Variants in MND1 observed in about 807,000 individuals in gnomAD.
The protein encoded by MND1 is meiotic nuclear divisions 1.
In MND1, 28 loss-of-function variants were observed where a neutral mutation model predicts 35.1. The ratio of observed to expected loss-of-function variants is 0.80; its 90% CI spans 0.59 to 1.09. The LOEUF (loss-of-function observed/expected upper bound fraction) is 1.09, where lower values mean the gene tolerates loss of function less well. Among genes scored for constraint, MND1 ranks in the 50% least tolerant of loss-of-function variants. The probability of loss-of-function intolerance (pLI) is 0.00; values close to 1 mark genes in which losing one functional copy is unlikely to be tolerated. For synonymous variants in MND1, 69 were observed against 70.5 expected, an observed-to-expected ratio of 0.98 and a Z score of 0.11; for missense variants, 213 against 239.6, an observed-to-expected ratio of 0.89 and a Z score of 0.73.
intron 7 of MND1, among the ~76,000 whole-genome samples, chr4:153,414,352 GC>G (rs1445138792): frequency 6.6e-6 from 1 of 151,700 alleles, no homozygotes; most frequent in East Asian, 1.9e-4. Flanking sequence ...TGTGATCTCG[GC>G]TCACCACAAC....
At chr4:153,382,977 A>G (rs772706943) in intron 4 of MND1, among the ~76,000 whole-genome samples, 2 of 152,182 alleles carry the variant, frequency 1.3e-5, no homozygotes, top group African/African-American at 4.8e-5. Flanking sequence ...TTCTTTCCCA[A>G]TGCTCTTGGA....
At chr4:153,363,432 G>A (rs922081515) in intron 4 of MND1, among the ~76,000 whole-genome samples, 27 of 152,046 alleles carry the variant, frequency 1.8e-4, no homozygotes, top group Non-Finnish European at 3.7e-4. Flanking sequence ...GGCTGGTCTC[G>A]AACTCCCGAC....
chr4:153,355,756 G>A (rs1423446959), intron 3 of MND1, 45 bp downstream of exon 3: 4 of 1,168,460 alleles, frequency 3.4e-6, no homozygotes, highest in Non-Finnish European at 5.1e-6. Context: ...AATATACTGG[G>A]ATGTTTTGGG....
intron 6 of MND1, among the ~76,000 whole-genome samples, chr4:153,402,773 T>C (rs1227505079): frequency 4.6e-5 from 7 of 152,208 alleles, no homozygotes; most frequent in Admixed American, 4.6e-4. Context: ...GGAGTGTTTG[T>C]CTATAACAAT....
rs563900318 is a variant in MND1 at position 153,345,179 on chromosome 4, C to G, written c.3+439C>G. 2.0e-3 allele frequency among the ~76,000 whole-genome samples: 308 copies of G among 152,286 alleles called. 1 individual carries two copies. Among genetic ancestry groups the G allele is most frequent in the African/African-American group, 7.1e-3 (297 of 41,548 alleles). ...GTGGTGTAGCCCCCCCCATTAAGAA[C>G]GGGGAGAGAAAGCGCAAGTGGGCGG... On this transcript the variant is annotated intron_variant, in intron 1 of 7. Coordinates refer to ENST00000240488, the MANE Select transcript of MND1 (RefSeq NM_032117.4).
intron 6 of MND1, among the ~76,000 whole-genome samples, chr4:153,404,588 C>T (rs935933016): frequency 2.6e-5 from 4 of 151,924 alleles, no homozygotes; most frequent in African/African-American, 4.8e-5. Flanking sequence ...AATTCTCCTG[C>T]GTCAGCCTCC....
At chr4:153,359,177 C>T (rs1315173848) in intron 4 of MND1, among the ~76,000 whole-genome samples, 1 of 152,200 alleles carries the variant, frequency 6.6e-6, no homozygotes, top group East Asian at 1.9e-4. Context: ...CCCTAAAAAT[C>T]CGCTGTTTCC....
chr4:153,384,342 C>T (rs1728791373), intron 4 of MND1, among the ~76,000 whole-genome samples: 1 of 139,618 alleles, frequency 7.2e-6, no homozygotes, highest in Admixed American at 7.7e-5. Flanking sequence ...GCAATCATGG[C>T]TCACTGTAGC....
intron 4 of MND1, among the ~76,000 whole-genome samples, chr4:153,366,310 C>T (rs1217240535): frequency 1.3e-5 from 2 of 152,214 alleles, no homozygotes; most frequent in Admixed American, 6.5e-5. Flanking sequence ...GTGCCATTCA[C>T]AGGTTCCAAG....
At chr4:153,354,060 C>T (rs1051518293) in intron 2 of MND1, among the ~76,000 whole-genome samples, 3 of 152,168 alleles carry the variant, frequency 2.0e-5, no homozygotes, top group African/African-American at 7.2e-5. Flanking sequence ...TTAGTTTCTT[C>T]AAGTGATTTA....
intron 6 of MND1, 148 bp downstream of exon 6, chr4:153,397,481 T>A (rs1375609271): frequency 3.5e-6 from 2 of 573,392 alleles, no homozygotes; most frequent in Non-Finnish European, 6.1e-6. Context: ...AATTTTGTAT[T>A]TGTAACATAG....
At chr4:153,400,033 C>T (rs1041899817) in intron 6 of MND1, among the ~76,000 whole-genome samples, 4 of 150,976 alleles carry the variant, frequency 2.6e-5, no homozygotes, top group Non-Finnish European at 5.9e-5. Flanking sequence ...TCCCAAATAG[C>T]TGGGACTACA....
intron 6 of MND1, among the ~76,000 whole-genome samples, chr4:153,407,740 A>G (rs1250231479): frequency 2.6e-5 from 4 of 152,198 alleles, no homozygotes; most frequent in Admixed American, 6.5e-5. Flanking sequence ...CCTTGAAAAC[A>G]TTGTGTTAAG....
intron 6 of MND1, among the ~76,000 whole-genome samples, chr4:153,407,991 G>A (rs910031771): frequency 2.0e-5 from 3 of 152,136 alleles, no homozygotes; most frequent in South Asian, 2.1e-4. Flanking sequence ...AAAAACCACT[G>A]AAAGCCAGGC....
chr4:153,381,560 T>C (rs1728682532), intron 4 of MND1, among the ~76,000 whole-genome samples: 1 of 144,332 alleles, frequency 6.9e-6, no homozygotes, highest in African/African-American at 2.7e-5. Context: ...TAATTTCAAA[T>C]TGTTTGGGCT....
chr4:153,390,496 G>A (rs1728988665), intron 4 of MND1, among the ~76,000 whole-genome samples: 1 of 152,016 alleles, frequency 6.6e-6, no homozygotes, highest in African/African-American at 2.4e-5. Context: ...CTTTTAAGTT[G>A]TAAATAATTC....
intron 4 of MND1, among the ~76,000 whole-genome samples, chr4:153,360,995 A>T (rs1773476269): frequency 6.6e-6 from 1 of 151,534 alleles, no homozygotes; most frequent in Non-Finnish European, 1.5e-5. Context: ...ACACCACCAA[A>T]CTCTGCTAAT....
intron 7 of MND1, among the ~76,000 whole-genome samples, chr4:153,411,919 C>A (rs1443403328): frequency 6.6e-6 from 1 of 152,108 alleles, no homozygotes; most frequent in Non-Finnish European, 1.5e-5. Flanking sequence ...TTCTGTAATA[C>A]CTGCAGTGCA....
chr4:153,400,320 A>T (rs1347794160), intron 6 of MND1, among the ~76,000 whole-genome samples: 1 of 152,078 alleles, frequency 6.6e-6, no homozygotes, highest in East Asian at 1.9e-4. Flanking sequence ...AGATATATTA[A>T]TTTTTTACTT....
Sources: gnomAD v4.1 joint callset for allele counts (sites outside exome capture counted in the v4.1 genomes callset) on GRCh38, gnomAD v4.1.1 for gene constraint, MANE v1.5 for transcripts, NCBI Gene and HGNC (gene_info 2026-07-23, HGNC 2026-07-21) for gene names.